LHFPL6: variants seen among roughly 807,000 people sequenced by gnomAD.
The protein encoded by LHFPL6 is LHFPL tetraspan subfamily member 6 protein.
Under a neutral mutation model 20.6 loss-of-function variants are expected in LHFPL6, and 9 were observed. The observed-to-expected ratio is 0.44, with a 90% CI of 0.26 to 0.76. The LOEUF (loss-of-function observed/expected upper bound fraction) is 0.76. LHFPL6 is among the 30% of genes least tolerant of loss of function. The probability of loss-of-function intolerance (pLI) is 0.20; values close to 1 mark genes in which losing one functional copy is unlikely to be tolerated. For missense variants in LHFPL6, 218 were observed against 253.5 expected (o/e 0.86, Z 0.95); for synonymous variants, 105 against 98.7 (o/e 1.06, Z -0.38).
In LHFPL6 at chr13:39,344,044, T is replaced by C. The variant is rs1869325897; in HGVS notation, c.495A>G (p.Glu165=). ...TSGQFDLGKC[E]IGWAYYCTGA... ...CCGTGCAGTAGTAGGCCCAGCCGATTTCACACTTCCCTAAGGACAAAGGAA... is the reference window on the plus strand; with the variant it reads ...CCGTGCAGTAGTAGGCCCAGCCGATCTCACACTTCCCTAAGGACAAAGGAA... The change falls in exon 4 of 4, where the codon GAA becomes GAG. Residue 165 remains glutamate, a synonymous_variant. Transcript: ENST00000379589. 6.2e-7 allele frequency: 1 copy of C among 1,610,854 alleles called. No homozygotes were observed. The highest frequency in any genetic ancestry group is 1.3e-5 in the African/African-American group (1 of 74,894).
intron 2 of LHFPL6, among the ~76,000 whole-genome samples, chr13:39,547,341 T>C (rs570215742): frequency 3.9e-5 from 6 of 152,230 alleles, no homozygotes; most frequent in African/African-American, 1.2e-4. Flanking sequence ...GCTCCATTCA[T>C]CTTGTATCCC....
intron 2 of LHFPL6, among the ~76,000 whole-genome samples, chr13:39,442,235 C>G (rs1872160172): frequency 6.6e-6 from 1 of 152,052 alleles, no homozygotes; most frequent in South Asian, 2.1e-4. Flanking sequence ...CTGAATATGT[C>G]AATAAGTATT....
intron 2 of LHFPL6, among the ~76,000 whole-genome samples, chr13:39,484,162 T>A (rs1034845033): frequency 2.0e-5 from 3 of 152,122 alleles, no homozygotes; most frequent in Admixed American, 6.6e-5. Flanking sequence ...CTCCACCCGG[T>A]TTCAGATTCA....
intron 2 of LHFPL6, among the ~76,000 whole-genome samples, chr13:39,523,501 G>A (rs1009967233): frequency 6.6e-6 from 1 of 151,704 alleles, no homozygotes; most frequent in Non-Finnish European, 1.5e-5. Flanking sequence ...CCCGTGGGGC[G>A]GAGCCTGCAG....
At chr13:39,359,404 T>C (rs1351284443) in intron 3 of LHFPL6, among the ~76,000 whole-genome samples, 2 of 151,984 alleles carry the variant, frequency 1.3e-5, no homozygotes, top group African/African-American at 2.4e-5. Context: ...CTATTCACAA[T>C]AGCAAAGGCA....
chr13:39,501,723 C>T (rs543902126), intron 2 of LHFPL6, among the ~76,000 whole-genome samples: 48 of 152,268 alleles, frequency 3.2e-4, no homozygotes, highest in African/African-American at 1.1e-3. Flanking sequence ...ATGGAGAGGG[C>T]AGGCTGGAAC....
intron 2 of LHFPL6, among the ~76,000 whole-genome samples, chr13:39,430,706 A>C (rs1871770635): frequency 6.6e-6 from 1 of 152,186 alleles, no homozygotes; most frequent in Non-Finnish European, 1.5e-5. Context: ...AGGTTTGTAA[A>C]CACATCAATC....
At chr13:39,410,579 AAGAC>A (rs1871221818) in intron 2 of LHFPL6, among the ~76,000 whole-genome samples, 1 of 152,150 alleles carries the variant, frequency 6.6e-6, no homozygotes, top group Non-Finnish European at 1.5e-5. Context: ...AAACCAACAA[AAGAC>A]AGTCACGAAA....
chr13:39,564,587 C>T (rs1345051802), intron 2 of LHFPL6, among the ~76,000 whole-genome samples: 2 of 152,068 alleles, frequency 1.3e-5, no homozygotes, highest in Admixed American at 1.3e-4. Context: ...TACTATGGTG[C>T]CAAAGAGACT....
chr13:39,406,245 G>T (rs948798621), intron 2 of LHFPL6, among the ~76,000 whole-genome samples: 1 of 152,088 alleles, frequency 6.6e-6, no homozygotes, highest in Non-Finnish European at 1.5e-5. Context: ...ATTGTGTCAG[G>T]ATAGTATCAA....
intron 2 of LHFPL6, among the ~76,000 whole-genome samples, chr13:39,515,242 G>A (rs923378385): frequency 6.6e-6 from 1 of 152,202 alleles, no homozygotes; most frequent in Non-Finnish European, 1.5e-5. Flanking sequence ...GAGCTGCGCT[G>A]CCTTCAAGAA....
At chr13:39,457,963 C>G (rs1268373199) in intron 2 of LHFPL6, among the ~76,000 whole-genome samples, 1 of 152,150 alleles carries the variant, frequency 6.6e-6, no homozygotes, top group African/African-American at 2.4e-5. Flanking sequence ...CCTAAAATGT[C>G]AAGTCCAGCC....
chr13:39,583,424 C>T (rs964300675), intron 2 of LHFPL6, among the ~76,000 whole-genome samples: 6 of 152,114 alleles, frequency 3.9e-5, no homozygotes, highest in Admixed American at 2.0e-4. Context: ...ATTCACTGGC[C>T]TCAGCCTTCC....
chr13:39,582,571 G>A (rs1872321587), intron 2 of LHFPL6, among the ~76,000 whole-genome samples: 3 of 152,186 alleles, frequency 2.0e-5, no homozygotes, highest in Admixed American at 6.5e-5. Flanking sequence ...ATATTCAAGA[G>A]ATCTGAACGT....
chr13:39,440,990 C>A (rs183988765), intron 2 of LHFPL6, among the ~76,000 whole-genome samples: 37 of 152,204 alleles, frequency 2.4e-4, no homozygotes, highest in Non-Finnish European at 3.7e-4. Flanking sequence ...AGGCCTCCCC[C>A]CCAGCCATGC....
chr13:39,386,523 GCT>G (rs1870567380), intron 2 of LHFPL6, among the ~76,000 whole-genome samples: 1 of 152,174 alleles, frequency 6.6e-6, no homozygotes, highest in African/African-American at 2.4e-5. Context: ...CTAGGCCAGA[GCT>G]CTTTTTCCAC....
chr13:39,366,449 T>C (rs1030043538), intron 3 of LHFPL6, among the ~76,000 whole-genome samples: 6 of 152,230 alleles, frequency 3.9e-5, no homozygotes, highest in Admixed American at 3.3e-4. Context: ...CTAGCACCCA[T>C]GAGTATCCAG....
chr13:39,442,398 C>G (rs1872164606), intron 2 of LHFPL6, among the ~76,000 whole-genome samples: 1 of 152,064 alleles, frequency 6.6e-6, no homozygotes, highest in South Asian at 2.1e-4. Context: ...TTACATTGCC[C>G]CAAACAAGTT....
intron 2 of LHFPL6, among the ~76,000 whole-genome samples, chr13:39,429,710 A>G (rs1199475521): frequency 2.6e-5 from 4 of 152,200 alleles, no homozygotes; most frequent in Non-Finnish European, 5.9e-5. Flanking sequence ...ATACACTCAC[A>G]GTCTCCAAAT....
Sources: allele counts gnomAD v4.1 joint callset (sites outside exome capture counted in the v4.1 genomes callset), GRCh38; gene constraint gnomAD v4.1.1; transcripts MANE v1.5; gene names NCBI Gene and HGNC (gene_info 2026-07-23, HGNC 2026-07-21).